The following SV2C variants were observed in gnomAD, a reference collection of about 807,000 sequenced individuals.
The protein encoded by SV2C is solute carrier family 22 member B3.
Under a neutral mutation model 79.7 loss-of-function variants are expected in SV2C, and 49 were observed. The ratio of observed to expected loss-of-function variants is 0.61; its 90% CI spans 0.49 to 0.78. SV2C has a LOEUF of 0.78. Among genes scored for constraint, SV2C ranks in the 30% least tolerant of loss-of-function variants. The pLI is 0.00. For synonymous variants in SV2C, 334 were observed against 333.2 expected, an observed-to-expected ratio of 1.00 and a Z score of -0.03; for missense variants, 833 against 912.9, an observed-to-expected ratio of 0.91 and a Z score of 1.13.
chr5:76,049,549 T>G, the SV2C span, among the ~76,000 whole-genome samples: 2 of 152,124 alleles, frequency 1.3e-5, no homozygotes, highest in East Asian at 3.8e-4. Flanking sequence ...AAGAAGAAAT[T>G]TCTGCAATGG....
chr5:76,306,872 G>A (rs984103923), intron 12 of SV2C, among the ~76,000 whole-genome samples: 1 of 152,132 alleles, frequency 6.6e-6, no homozygotes, highest in Non-Finnish European at 1.5e-5. Context: ...CTATTATTCA[G>A]AGAAGACAAT....
intron 1 of SV2C, among the ~76,000 whole-genome samples, chr5:76,090,069 C>G (rs930966017): frequency 2.6e-5 from 4 of 152,126 alleles, no homozygotes; most frequent in Middle Eastern, 3.2e-3. Flanking sequence ...ATCGATGTTT[C>G]CCAAGTATTT....
intron 4 of SV2C, among the ~76,000 whole-genome samples, chr5:76,243,886 T>C (rs1028835657): frequency 1.3e-5 from 2 of 152,182 alleles, no homozygotes; most frequent in Non-Finnish European, 2.9e-5. Flanking sequence ...CTTGCTCTGC[T>C]CTGAATACGC....
At chr5:76,028,393 TTTTC>T in the SV2C span, among the ~76,000 whole-genome samples, 1 of 152,202 alleles carries the variant, frequency 6.6e-6, no homozygotes, top group East Asian at 1.9e-4. Context: ...TCATTAAACA[TTTTC>T]TGGAATTTTA....
the SV2C span, among the ~76,000 whole-genome samples, chr5:75,934,572 C>A: frequency 6.6e-6 from 1 of 152,084 alleles, no homozygotes; most frequent in Non-Finnish European, 1.5e-5. Context: ...AGGCTTTAGC[C>A]GTCGTGCCTG....
In SV2C at chr5:76,212,727, G is replaced by A. The variant is rs1365731593; in HGVS notation, c.913+2840G>A. Among the ~76,000 whole-genome samples, 5 of 152,042 alleles carry A rather than the reference G, an allele frequency of 3.3e-5. No individual in the cohort carries two copies. In the South Asian group the frequency reaches 1.0e-3, roughly 32 times the overall value. Reference sequence around the variant, plus strand: ...GTGTCCGTGTGTCCACCAAGCCCGGGCATGACTGTTTTTATTTTTAGTTTT... The same window carrying A: ...GTGTCCGTGTGTCCACCAAGCCCGGACATGACTGTTTTTATTTTTAGTTTT... On this transcript the variant is annotated intron_variant, in intron 4 of 12. Coordinates refer to ENST00000502798, the MANE Select transcript of SV2C (RefSeq NM_014979.4).
At chr5:75,899,981 C>T in the SV2C span, among the ~76,000 whole-genome samples, 54 of 152,252 alleles carry the variant, frequency 3.5e-4, no homozygotes, top group Admixed American at 1.5e-3. Flanking sequence ...AGGCGGGTTT[C>T]CTGAATACAG....
chr5:76,292,408 C>A (rs1009287946), intron 8 of SV2C, among the ~76,000 whole-genome samples: 3 of 152,222 alleles, frequency 2.0e-5, no homozygotes, highest in African/African-American at 7.2e-5. Flanking sequence ...ATGCAAAACA[C>A]TCCTTTATTC....
rs977896371 is a variant in SV2C at position 76,120,368 on chromosome 5, TTTA to T, written c.-101-11268_-101-11266del. 6.6e-5 allele frequency among the ~76,000 whole-genome samples: 10 copies of T among 151,882 alleles called. 1 individual carries two copies. The South Asian group carries it at 1.2e-3, about 19-fold the overall frequency. ...TGTTCTTTTTTTCTTTTTCTCTTTT[TTTA>T]TTATTATTATTATACTTTAAGTTTT... On this transcript the variant is annotated intron_variant, in intron 1 of 12. Transcript: ENST00000502798.
the SV2C span, among the ~76,000 whole-genome samples, chr5:75,988,887 G>C: frequency 6.6e-6 from 1 of 151,892 alleles, no homozygotes; most frequent in Admixed American, 6.6e-5. Context: ...CCAGCCCAGA[G>C]ACCAGACGGT....
intron 4 of SV2C, among the ~76,000 whole-genome samples, chr5:76,231,897 T>A (rs978257006): frequency 6.9e-6 from 1 of 145,080 alleles, no homozygotes; most frequent in African/African-American, 2.9e-5. Context: ...GCAATAAACA[T>A]ACGTGTGCAT....
At chr5:76,191,138 C>CA (rs1340366952) in intron 2 of SV2C, among the ~76,000 whole-genome samples, 2 of 152,118 alleles carry the variant, frequency 1.3e-5, no homozygotes, top group East Asian at 1.9e-4. Context: ...AAAGGGGAAG[C>CA]AGGCATGTCT....
the SV2C span, among the ~76,000 whole-genome samples, chr5:75,946,033 A>C: frequency 6.6e-6 from 1 of 152,074 alleles, no homozygotes; most frequent in Non-Finnish European, 1.5e-5. Flanking sequence ...AAAAAAATGA[A>C]ATTCAAAGCA....
intron 2 of SV2C, among the ~76,000 whole-genome samples, chr5:76,149,023 T>C (rs930077333): frequency 5.9e-5 from 9 of 152,192 alleles, no homozygotes; most frequent in African/African-American, 1.9e-4. Flanking sequence ...CAGATGCTTA[T>C]ATTAAAAAAT....
At chr5:76,041,874 G>T in the SV2C span, among the ~76,000 whole-genome samples, 1 of 152,124 alleles carries the variant, frequency 6.6e-6, no homozygotes, top group Admixed American at 6.5e-5. Context: ...TGCACCACAG[G>T]ACTTCGAGTT....
At chr5:76,039,103 T>C in the SV2C span, among the ~76,000 whole-genome samples, 1 of 152,332 alleles carries the variant, frequency 6.6e-6, no homozygotes, top group South Asian at 2.1e-4. Context: ...TGGACACACC[T>C]TGGAGAAAGA....
chr5:76,297,407 T>C (rs775751917), intron 9 of SV2C, among the ~76,000 whole-genome samples: 2 of 152,162 alleles, frequency 1.3e-5, no homozygotes. Context: ...GCAGAGGAAC[T>C]TGTGGCCTGG....
chr5:76,299,841 A>G (rs1747920359), intron 10 of SV2C, among the ~76,000 whole-genome samples: 1 of 152,210 alleles, frequency 6.6e-6, no homozygotes, highest in Non-Finnish European at 1.5e-5. Flanking sequence ...CAATTCTCAC[A>G]GCCTTTTAGC....
At chr5:75,874,070 C>T in the SV2C span, among the ~76,000 whole-genome samples, 1 of 152,266 alleles carries the variant, frequency 6.6e-6, no homozygotes, top group Non-Finnish European at 1.5e-5. Flanking sequence ...TCAGCATCAT[C>T]CTGATACCAA....
Sources: allele counts gnomAD v4.1 joint callset (sites outside exome capture counted in the v4.1 genomes callset), GRCh38; gene constraint gnomAD v4.1.1; transcripts MANE v1.5; gene names NCBI Gene and HGNC (gene_info 2026-07-23, HGNC 2026-07-21).